Variants in LAMA2 observed in about 807,000 individuals in gnomAD.
The protein encoded by LAMA2 is laminin subunit alpha 2, also known as laminin subunit alpha-2.
Under a neutral mutation model 364.8 loss-of-function variants are expected in LAMA2, and 269 were observed. The observed-to-expected ratio is 0.74, with a 90% CI of 0.67 to 0.82. The LOEUF is 0.82. Ranked by LOEUF, LAMA2 falls within the 40% of genes least tolerant of loss-of-function variation. The probability of loss-of-function intolerance (pLI) is 0.00; values close to 1 mark genes in which losing one functional copy is unlikely to be tolerated. For missense variants in LAMA2, 3,807 were observed against 3,873.2 expected (o/e 0.98, Z 0.45); for synonymous variants, 1,379 against 1,370.6 (o/e 1.01, Z -0.14).
At chr6:128,930,004 C>T (rs1562841763) in intron 1 of LAMA2, 2 of 529,474 alleles carry the variant, frequency 3.8e-6, no homozygotes, top group Non-Finnish European at 3.4e-6. Flanking sequence ...CGTTATCCCA[C>T]GCTGCCAGCC....
At chr6:129,158,300 T>C (rs917020085) in intron 8 of LAMA2, 2 of 1,614,130 alleles carry the variant, frequency 1.2e-6, no homozygotes, top group Non-Finnish European at 8.5e-7. Context: ...AGATTTCTGT[T>C]TCTCGAAACC....
Position 129,066,107 on chromosome 6 carries a change from G to A in LAMA2, c.396+6211G>A, listed in dbSNP as rs866892153. Among the ~76,000 whole-genome samples, 1,091 of 133,586 alleles carry A rather than the reference G, an allele frequency of 8.2e-3. 19 individuals are homozygous for A. The highest frequency in any genetic ancestry group is 0.028 in the African/African-American group (1,011 of 35,856). The allele number at this position is 133,586 out of a possible 152,430, so 87.6% of individuals were successfully genotyped here. A position where few individuals can be genotyped will look rare whatever the true frequency, so the allele number is the denominator to read the frequency against. ...GTCGCCCAGGCTGGAGTGCAGTGGC[G>A]GGATCTCGGCTCACTGCAAGCTCCG... is the stretch of plus-strand genomic sequence containing the variant. On this transcript the variant is annotated intron_variant, in intron 3 of 64. Coordinates refer to ENST00000421865, the MANE Select transcript of LAMA2 (RefSeq NM_000426.4).
rs1393281872 is a variant in LAMA2, at chr6:128,917,732, TTC to T, written c.112+34377_112+34378del. Reference sequence around the variant, plus strand: ...TTTCTTTCTTTCTTTCTTTCTTTCTTTCTTTTTTTTTTTTTTTTTGAGACAGG... The same window carrying T: ...TTTCTTTCTTTCTTTCTTTCTTTCTTTTTTTTTTTTTTTTTTTGAGACAGG... On this transcript the variant is annotated intron_variant, in intron 1 of 64. Coordinates refer to ENST00000421865, the MANE Select transcript of LAMA2 (RefSeq NM_000426.4). 3.0e-3 allele frequency among the ~76,000 whole-genome samples: 413 copies of T among 135,412 alleles called. 3 individuals are homozygous for T. Among genetic ancestry groups the T allele is most frequent in the African/African-American group, 0.011 (378 of 33,530 alleles). The allele number at this position is 135,412 out of a possible 152,430, so 88.8% of individuals were successfully genotyped here. A position where few individuals can be genotyped will look rare whatever the true frequency, so the allele number is the denominator to read the frequency against.
chr6:129,212,549 C>A (rs186513878), intron 12 of LAMA2, among the ~76,000 whole-genome samples: 3 of 152,150 alleles, frequency 2.0e-5, no homozygotes. Context: ...CTCCAGAGAC[C>A]AGGCAGACAC....
At chr6:129,102,612 G>A (rs1775583729) in intron 4 of LAMA2, among the ~76,000 whole-genome samples, 1 of 151,764 alleles carries the variant, frequency 6.6e-6, no homozygotes. Context: ...CTAATATATG[G>A]CCTTTTTGGA....
intron 12 of LAMA2, among the ~76,000 whole-genome samples, chr6:129,210,146 A>G (rs1482144471): frequency 9.9e-5 from 15 of 151,936 alleles, no homozygotes; most frequent in Admixed American, 9.8e-4. Flanking sequence ...CTCTTTTATG[A>G]CTACTTTTTT....
At chr6:128,935,711 A>G (rs139159116) in intron 1 of LAMA2, among the ~76,000 whole-genome samples, 16 of 152,274 alleles carry the variant, frequency 1.1e-4, no homozygotes, top group African/African-American at 3.9e-4. Context: ...GGTTTCCTTC[A>G]TATAAGATCA....
At chr6:129,035,734 G>A (rs1786596557) in intron 1 of LAMA2, among the ~76,000 whole-genome samples, 1 of 151,900 alleles carries the variant, frequency 6.6e-6, no homozygotes, top group African/African-American at 2.4e-5. Flanking sequence ...TTATTAAATA[G>A]GGTGTCCTTT....
In LAMA2 at chr6:129,393,224, C is replaced by T. The variant is rs1172690442; in HGVS notation, c.5414C>T (p.Ala1805Val). Reference sequence around the variant, plus strand: ...ATCAGAGAAGCTAATCGCCTATTTGCAGTAAATCAGAAAAACATGACTGCA... The same window carrying T: ...ATCAGAGAAGCTAATCGCCTATTTGTAGTAAATCAGAAAAACATGACTGCA... ...DKIREANRLF[A>V]VNQKNMTALE... Residue 1805 changes from alanine (A) to valine (V), a missense_variant, in exon 37 of 65, where the codon GCA (alanine) becomes GTA (valine). Ala to Val is a moderately conservative substitution (Grantham distance 64, BLOSUM62 0). Around this residue, in one of 3 missense-constraint regions of LAMA2, gnomAD observed 3,333 missense variants for 3,345.7 expected, o/e 1.00. Transcript: ENST00000421865. 3.1e-6 allele frequency: 5 copies of T among 1,613,852 alleles called. No individual in the cohort carries two copies. The highest frequency in any genetic ancestry group is 1.7e-5 in the Admixed American group (1 of 60,012).
intron 7 of LAMA2, among the ~76,000 whole-genome samples, chr6:129,150,288 A>G (rs9492249): frequency 0.019 from 2,947 of 152,256 alleles, 114 homozygotes; most frequent in African/African-American, 0.066. Context: ...CAGCTTCTCC[A>G]TAGAGAACAG....
chr6:129,175,843 T>TA (rs1220551118), intron 9 of LAMA2, among the ~76,000 whole-genome samples: 2 of 151,990 alleles, frequency 1.3e-5, no homozygotes, highest in Admixed American at 6.6e-5. Context: ...AGTATAATAA[T>TA]AAAAAAAATT....
chr6:129,207,805 T>G (rs1366092798), intron 12 of LAMA2, among the ~76,000 whole-genome samples: 1 of 151,170 alleles, frequency 6.6e-6, no homozygotes, highest in Non-Finnish European at 1.5e-5. Context: ...AAAAACCTGT[T>G]GGTCAAGAAA....
intron 1 of LAMA2, among the ~76,000 whole-genome samples, chr6:129,019,846 G>T (rs1454247199): frequency 6.6e-6 from 1 of 152,208 alleles, no homozygotes; most frequent in Non-Finnish European, 1.5e-5. Flanking sequence ...ACTTCTGTGA[G>T]GCTGAGGCAG....
chr6:129,468,578 C>T (rs928900276), intron 51 of LAMA2, among the ~76,000 whole-genome samples: 21 of 151,848 alleles, frequency 1.4e-4, no homozygotes, highest in African/African-American at 4.6e-4. Context: ...ATGCAAACTT[C>T]TTACATAAAG....
chr6:129,176,726 C>T (rs921655773), intron 9 of LAMA2, among the ~76,000 whole-genome samples: 1 of 151,944 alleles, frequency 6.6e-6, no homozygotes, highest in Non-Finnish European at 1.5e-5. Context: ...TATTTCACAA[C>T]TTTTTTTTCT....
chr6:129,165,342 C>G (rs1336650138), intron 8 of LAMA2, among the ~76,000 whole-genome samples: 2 of 151,868 alleles, frequency 1.3e-5, no homozygotes, highest in Non-Finnish European at 2.9e-5. Context: ...AGTATTGAAT[C>G]TAAGTAACAA....
chr6:129,337,577 A>G (rs534856604), intron 29 of LAMA2, among the ~76,000 whole-genome samples: 1 of 152,272 alleles, frequency 6.6e-6, no homozygotes, highest in South Asian at 2.1e-4. Context: ...GAATTCATGC[A>G]TTTAATGATA....
intron 42 of LAMA2, among the ~76,000 whole-genome samples, chr6:129,440,249 A>T (rs1782040037): frequency 6.6e-6 from 1 of 152,158 alleles, no homozygotes; most frequent in Non-Finnish European, 1.5e-5. Flanking sequence ...AGTTAATATT[A>T]AAATCTCGGT....
intron 31 of LAMA2, among the ~76,000 whole-genome samples, chr6:129,350,004 C>T (rs1165604786): frequency 1.3e-5 from 2 of 152,102 alleles, no homozygotes; most frequent in African/African-American, 4.8e-5. Context: ...ATTGAATTCT[C>T]AGTGTAATCC....
Sources: gnomAD v4.1 joint callset for allele counts (sites outside exome capture counted in the v4.1 genomes callset) on GRCh38, gnomAD v4.1.1 for gene constraint, gnomAD v4.1.1 regional missense constraint, MANE v1.5 for transcripts, NCBI Gene and HGNC (gene_info 2026-07-23, HGNC 2026-07-21) for gene names.